The following MSL2 variants were observed in gnomAD, a reference collection of about 807,000 sequenced individuals.
MSL2 encodes MSL complex subunit 2.
MSL2 carries 2 observed loss-of-function variants against 35.8 expected under a neutral mutation model. The observed-to-expected ratio is 0.06, with a 90% CI of 0.02 to 0.18. The LOEUF is 0.18. MSL2 is among the 10% of genes least tolerant of loss of function. The pLI, the probability that MSL2 is intolerant of heterozygous loss-of-function variation, is 1.00. For synonymous variants in MSL2, 296 were observed against 255.7 expected (o/e 1.16, Z -1.50); for missense variants, 523 against 706.7 (o/e 0.74, Z 2.95).
intron 1 of MSL2, among the ~76,000 whole-genome samples, chr3:136,185,430 T>A (rs1198304740): frequency 6.6e-6 from 1 of 151,724 alleles, no homozygotes; most frequent in Admixed American, 6.6e-5. Context: ...CATCTAACCT[T>A]ATCTAAAATA....
intron 1 of MSL2, among the ~76,000 whole-genome samples, chr3:136,181,616 AAT>A (rs1343856143): frequency 1.3e-5 from 2 of 152,090 alleles, no homozygotes; most frequent in Admixed American, 1.3e-4. Flanking sequence ...CATCCAGCTC[AAT>A]GTTTTAAAAT....
intron 1 of MSL2, among the ~76,000 whole-genome samples, chr3:136,167,775 A>G (rs772321594): frequency 2.6e-5 from 4 of 152,346 alleles, no homozygotes; most frequent in South Asian, 2.1e-4. Context: ...CTCAAATCTT[A>G]TAATACTTAA....
chr3:136,194,174 T>C (rs2108101788), intron 1 of MSL2, among the ~76,000 whole-genome samples: 1 of 152,346 alleles, frequency 6.6e-6, no homozygotes, highest in East Asian at 1.9e-4. Context: ...GTCCAGGTTT[T>C]TCGAAAAGCA....
chr3:136,171,719 A>C (rs1267306471), intron 1 of MSL2, among the ~76,000 whole-genome samples: 1 of 152,152 alleles, frequency 6.6e-6, no homozygotes, highest in Admixed American at 6.6e-5. Flanking sequence ...CTATTAACTA[A>C]ATATCTAGGT....
intron 1 of MSL2, among the ~76,000 whole-genome samples, chr3:136,178,383 A>G (rs1940241988): frequency 6.6e-6 from 1 of 152,192 alleles, no homozygotes; most frequent in Non-Finnish European, 1.5e-5. Flanking sequence ...ATAAATTAAG[A>G]TCCAAATTTC....
chr3:136,177,798 G>C (rs1345645724), intron 1 of MSL2, among the ~76,000 whole-genome samples: 2 of 151,478 alleles, frequency 1.3e-5, no homozygotes, highest in Non-Finnish European at 2.9e-5. Context: ...TTATATTTGA[G>C]AGACCAGTGA....
chr3:136,193,355 T>C (rs1465153047), intron 1 of MSL2, among the ~76,000 whole-genome samples: 1 of 152,082 alleles, frequency 6.6e-6, no homozygotes, highest in East Asian at 1.9e-4. Flanking sequence ...GTTTCACCCA[T>C]CTAGTAAACA....
In MSL2 at chr3:136,152,193, C is replaced by G; in HGVS notation, c.688G>C (p.Asp230His). The G allele has an allele frequency of 6.2e-7, 1 of 1,614,068 alleles. No homozygotes were observed. Among genetic ancestry groups the G allele is most frequent in the Non-Finnish European group, 8.5e-7 (1 of 1,180,000 alleles). ...VCNTVDIKTE[D>H]LSDSLPPVCD... is the part of the protein sequence containing the mutation. ...ACGGGTGGCAGGCTGTCAGACAGAT[C>G]CTCAGTTTTTATGTCAACAGTATTA... The change falls in exon 2 of 2, where the codon GAT (aspartate) becomes CAT (histidine). Residue 230 changes from aspartate (D) to histidine (H), a missense_variant. This residue lies in a region of MSL2 where 361 missense variants were observed against 414.6 expected (regional missense o/e 0.87). Coordinates refer to ENST00000309993, the MANE Select transcript of MSL2 (RefSeq NM_018133.4).
Position 136,157,201 on chromosome 3 carries a change from TGATCACCTGAGGTCAGGAAGGCGGGCC to T in MSL2, c.143-4490_143-4464del, listed in dbSNP as rs1398210246. ...ATCACTTTGGGAGGCCAAGGTGGGC[TGATCACCTGAGGTCAGGAAGGCGGGCC>T]GATCACCTGAGGTCAGGAAGGCGGG... On this transcript the variant is annotated intron_variant, in intron 1 of 1. Transcript: ENST00000309993. Among the ~76,000 whole-genome samples the T allele has an allele frequency of 6.6e-4, 98 of 147,776 alleles. 1 individual carries two copies. Among genetic ancestry groups the T allele is most frequent in the Middle Eastern group, 3.4e-3 (1 of 290 alleles).
intron 1 of MSL2, among the ~76,000 whole-genome samples, chr3:136,189,048 G>T (rs1940603833): frequency 8.0e-6 from 1 of 124,472 alleles, no homozygotes; most frequent in South Asian, 2.7e-4. Context: ...TTTCTTAGGA[G>T]ATTTTCCTTA....
rs1324987260 is a variant in MSL2, at chr3:136,194,994, C to T, written c.120G>A (p.Gln40=). 1 of 1,613,748 alleles carries T rather than the reference C, an allele frequency of 6.2e-7. No homozygotes were observed. The highest frequency in any genetic ancestry group is 1.7e-5 in the Admixed American group (1 of 59,806). The change falls in exon 1 of 2, where the codon CAG becomes CAA. Residue 40 remains glutamine (Q), a synonymous_variant. Coordinates refer to ENST00000309993, the MANE Select transcript of MSL2 (RefSeq NM_018133.4). ...CACCGCAAACACAGCACGAAAGGGACTGTCGGAAGTAAGGCAAGAGCCTGT... is the reference window on the plus strand; with the variant it reads ...CACCGCAAACACAGCACGAAAGGGATTGTCGGAAGTAAGGCAAGAGCCTGT... ...EINRLLPYFR[Q]SLSCCVCGHL...
chr3:136,190,617 G>A (rs1940659989), intron 1 of MSL2, among the ~76,000 whole-genome samples: 1 of 151,600 alleles, frequency 6.6e-6, no homozygotes, highest in South Asian at 2.1e-4. Flanking sequence ...TCCAAGAATA[G>A]TATTTTTCCA....
chr3:136,182,440 T>C (rs1940395161), intron 1 of MSL2, among the ~76,000 whole-genome samples: 1 of 152,116 alleles, frequency 6.6e-6, no homozygotes, highest in African/African-American at 2.4e-5. Flanking sequence ...CACAGGACAG[T>C]GATCCCTGAA....
Position 136,150,984 on chromosome 3 carries a change from G to T in MSL2, c.*163C>A. On this transcript the variant is annotated 3_prime_UTR_variant, in exon 2 of 2. Coordinates refer to ENST00000309993, the MANE Select transcript of MSL2 (RefSeq NM_018133.4). ...TTGTAGGGTTACTCCTCCATTATCTGCAAACTATTTCCCCGACACTAACAC... is the reference window on the plus strand; with the variant it reads ...TTGTAGGGTTACTCCTCCATTATCTTCAAACTATTTCCCCGACACTAACAC... 1.3e-6 allele frequency: 1 copy of T among 749,124 alleles called. No individual in the cohort carries two copies. Among genetic ancestry groups the T allele is most frequent in the Non-Finnish European group, 2.2e-6 (1 of 461,954 alleles). 46.4% of individuals were successfully genotyped at this position (749,124 alleles called of 1,614,324 possible).
chr3:136,194,838 TA>T, intron 1 of MSL2, 133 bp downstream of exon 1: 1 of 1,394,200 alleles, frequency 7.2e-7, no homozygotes. Flanking sequence ...GTTTCAAAAC[TA>T]ATGACCGTAC....
At chr3:136,192,761 CT>C (rs1193046189) in intron 1 of MSL2, among the ~76,000 whole-genome samples, 2 of 152,164 alleles carry the variant, frequency 1.3e-5, no homozygotes, top group Admixed American at 6.5e-5. Context: ...CAGAATTAAA[CT>C]TCATTTTTAC....
chr3:136,165,823 T>C (rs1283580698), intron 1 of MSL2, among the ~76,000 whole-genome samples: 1 of 151,978 alleles, frequency 6.6e-6, no homozygotes, highest in Admixed American at 6.6e-5. Flanking sequence ...TTTGATAGCA[T>C]AACAGGGTGA....
intron 1 of MSL2, among the ~76,000 whole-genome samples, chr3:136,165,773 T>C (rs542730858): frequency 2.6e-5 from 4 of 152,254 alleles, no homozygotes; most frequent in Admixed American, 2.0e-4. Context: ...TAATTGTTAA[T>C]GGCTACAAAA....
intron 1 of MSL2, among the ~76,000 whole-genome samples, chr3:136,166,078 A>C (rs1165336421): frequency 6.6e-6 from 1 of 150,952 alleles, no homozygotes; most frequent in African/African-American, 2.4e-5. Context: ...AAAAAAAAAA[A>C]AAAAAAAAAG....
Sources: allele counts gnomAD v4.1 joint callset (sites outside exome capture counted in the v4.1 genomes callset), GRCh38; gene constraint gnomAD v4.1.1; regional missense constraint gnomAD v4.1.1; transcripts MANE v1.5; gene names NCBI Gene and HGNC (gene_info 2026-07-23, HGNC 2026-07-21).